The following BCL11A variants were observed in gnomAD, a reference collection of about 807,000 sequenced individuals.
BCL11A encodes B cell CLL/lymphoma 11A.
BCL11A carries 2 observed loss-of-function variants against 55.9 expected under a neutral mutation model. The ratio of observed to expected loss-of-function variants is 0.04; its 90% CI spans 0.01 to 0.11. The LOEUF (loss-of-function observed/expected upper bound fraction) is 0.11, where lower values mean the gene tolerates loss of function less well. Ranked by LOEUF, BCL11A falls within the 10% of genes least tolerant of loss-of-function variation. The pLI, the probability that BCL11A is intolerant of heterozygous loss-of-function variation, is 1.00. For missense variants in BCL11A, 817 were observed against 1,137.1 expected, an observed-to-expected ratio of 0.72 and a Z score of 4.05; for synonymous variants, 465 against 473.4, an observed-to-expected ratio of 0.98 and a Z score of 0.23.
At position 60,461,673 on chromosome 2, in the gene BCL11A, C is replaced by T. The variant is rs1311687214; in HGVS notation, c.1239G>A (p.Ala413=). The change falls in exon 4 of 4, where the codon GCG becomes GCA. Residue 413 remains alanine (A), a synonymous_variant. Transcript: ENST00000642384. Reference sequence around the variant, plus strand: ...GCTTCAGCTTGCTGGCCTGGGTGCACGCGTGGTCGCACAGGTTGCACTTGT... The same window carrying T: ...GCTTCAGCTTGCTGGCCTGGGTGCATGCGTGGTCGCACAGGTTGCACTTGT... ...KPYKCNLCDH[A]CTQASKLKRH... is the part of the protein sequence containing the mutation. 14 of 1,613,838 alleles carry T rather than the reference C, an allele frequency of 8.7e-6. No homozygotes were observed. The highest frequency in any genetic ancestry group is 2.2e-5 in the East Asian group (1 of 44,888).
In BCL11A at chr2:60,546,444, A is replaced by T; in HGVS notation, c.56-144T>A. The T allele has an allele frequency of 1.4e-6, 1 of 716,660 alleles. No individual in the cohort carries two copies. Among genetic ancestry groups the T allele is most frequent in the South Asian group, 1.9e-5 (1 of 51,500 alleles). 44.4% of individuals were successfully genotyped at this position (716,660 alleles called of 1,614,324 possible). A position where few individuals can be genotyped will look rare whatever the true frequency, so the allele number is the denominator to read the frequency against. On this transcript the variant is annotated intron_variant, in intron 1 of 3. Coordinates refer to ENST00000642384, the MANE Select transcript of BCL11A (RefSeq NM_022893.4). This position sits in a 1 kb window ranked among gnomAD's most constrained non-coding sequence, Gnocchi z 4.1. The stretch of plus-strand genomic sequence containing the variant: ...TATATAATACCCAGAAAATGTGAGC[A>T]TACAAAAAGTACAAGGATGTGAAGG...
At chr2:60,507,392 AG>A (rs1334862276) in intron 2 of BCL11A, among the ~76,000 whole-genome samples, 2 of 135,426 alleles carry the variant, frequency 1.5e-5, no homozygotes, top group Non-Finnish European at 3.1e-5. Flanking sequence ...GGAGGGAAGG[AG>A]GGCCCTTGCC....
At chr2:60,515,925 C>CA (rs1210810498) in intron 2 of BCL11A, among the ~76,000 whole-genome samples, 1 of 152,194 alleles carries the variant, frequency 6.6e-6, no homozygotes, top group East Asian at 1.9e-4. Flanking sequence ...GAGAAAGATC[C>CA]AATAAGGGAA....
chr2:60,457,221 A>G lies in BCL11A; in HGVS notation c.*3183T>C, dbSNP rs1572943661. The G allele has an allele frequency of 9.9e-7, 1 of 1,009,072 alleles. No individual in the cohort carries two copies. Among genetic ancestry groups the G allele is most frequent in the Non-Finnish European group, 1.2e-6 (1 of 842,920 alleles). 62.5% of individuals were successfully genotyped at this position (1,009,072 alleles called of 1,614,324 possible). Reference sequence around the variant, plus strand: ...TACTTTAATTTTTTTTATTTTTTCAATAAAGGGACAAAATGGGTGTATGAA... The same window carrying G: ...TACTTTAATTTTTTTTATTTTTTCAGTAAAGGGACAAAATGGGTGTATGAA... On this transcript the variant is annotated 3_prime_UTR_variant, in exon 4 of 4. Transcript: ENST00000642384.
downstream of BCL11A, chr2:60,452,634 G>A: frequency 6.2e-7 from 1 of 1,613,976 alleles, no homozygotes; most frequent in Non-Finnish European, 8.5e-7. Flanking sequence ...TGAGCTCTCT[G>A]GGTACTACGC....
chr2:60,469,106 T>C (rs752410295), intron 2 of BCL11A, among the ~76,000 whole-genome samples: 1 of 152,218 alleles, frequency 6.6e-6, no homozygotes, highest in African/African-American at 2.4e-5. Context: ...TGCTTATTTA[T>C]TTGTTGTTGT....
intron 2 of BCL11A, among the ~76,000 whole-genome samples, chr2:60,483,163 C>T (rs746990292): frequency 6.6e-6 from 1 of 152,132 alleles, no homozygotes; most frequent in Admixed American, 6.5e-5. Context: ...TCAACACAGG[C>T]GAGAGAAGTG....
chr2:60,491,385 G>A (rs915981766), intron 2 of BCL11A, among the ~76,000 whole-genome samples: 1 of 152,138 alleles, frequency 6.6e-6, no homozygotes, highest in Non-Finnish European at 1.5e-5. Context: ...CATTTGAAAT[G>A]CTCCCGGCCA....
intron 2 of BCL11A, chr2:60,522,734 C>T (rs1451228913): frequency 6.6e-6 from 1 of 152,272 alleles, no homozygotes; most frequent in East Asian, 1.9e-4. Context: ...CAGGTGCACT[C>T]CCAGTGTTCA....
chr2:60,458,500 A>C lies in BCL11A; in HGVS notation c.*1904T>G. On this transcript the variant is annotated 3_prime_UTR_variant, in exon 4 of 4. Transcript: ENST00000642384. ...TCCTTGCACTGTAGAAGCGAAAGCA[A>C]TCATTCATTTCTATGTTAAGTGTAT... 1 of 1,033,294 alleles carries C rather than the reference A, an allele frequency of 9.7e-7. No individual in the cohort carries two copies. The highest frequency in any genetic ancestry group is 1.2e-6 in the Non-Finnish European group (1 of 858,284). The allele number at this position is 1,033,294 out of a possible 1,614,324, so 64.0% of individuals were successfully genotyped here.
chr2:60,469,813 C>G (rs1490112966), intron 2 of BCL11A, among the ~76,000 whole-genome samples: 1 of 152,158 alleles, frequency 6.6e-6, no homozygotes, highest in Non-Finnish European at 1.5e-5. Flanking sequence ...ATGTAGCTGT[C>G]CATCTTGAGA....
At chr2:60,488,324 T>C (rs1292938652) in intron 2 of BCL11A, among the ~76,000 whole-genome samples, 3 of 152,186 alleles carry the variant, frequency 2.0e-5, no homozygotes, top group Non-Finnish European at 2.9e-5. Flanking sequence ...GGAATTGCCA[T>C]TGTGTCCTCC....
At position 60,515,451 on chromosome 2, in the gene BCL11A, G is replaced by C. The variant is rs79181257; in HGVS notation, c.385+30520C>G. ...AAACATGACTCCTGCCCTCCAAAAG[G>C]TTATAATTTGAGGAGGAGAAAATAC... On this transcript the variant is annotated intron_variant, in intron 2 of 3. Coordinates refer to ENST00000642384, the MANE Select transcript of BCL11A (RefSeq NM_022893.4). Among the ~76,000 whole-genome samples, 459 of 152,264 alleles carry C rather than the reference G, an allele frequency of 3.0e-3. 2 individuals are homozygous for C. The Middle Eastern group carries it at 0.038, about 12-fold the overall frequency.
chr2:60,497,281 G>T (rs973637043), intron 2 of BCL11A, among the ~76,000 whole-genome samples: 1 of 152,236 alleles, frequency 6.6e-6, no homozygotes, highest in Non-Finnish European at 1.5e-5. Context: ...CTTTTGTAAA[G>T]AGGGGGGAAA....
At chr2:60,518,934 G>A (rs1464075256) in intron 2 of BCL11A, among the ~76,000 whole-genome samples, 1 of 152,106 alleles carries the variant, frequency 6.6e-6, no homozygotes. Context: ...ATTCAAGGTG[G>A]GTCCTGAAGC....
chr2:60,502,059 A>G (rs1679321167), intron 2 of BCL11A, among the ~76,000 whole-genome samples: 1 of 152,226 alleles, frequency 6.6e-6, no homozygotes, highest in Non-Finnish European at 1.5e-5. Context: ...CAGACCAAAA[A>G]TATGCCTCAC....
intron 3 of BCL11A, among the ~76,000 whole-genome samples, chr2:60,463,666 G>A (rs1211103444): frequency 1.3e-5 from 2 of 151,862 alleles, no homozygotes; most frequent in Non-Finnish European, 2.9e-5. Flanking sequence ...ATATATATGG[G>A]GAGATAGCTA....
intron 2 of BCL11A, among the ~76,000 whole-genome samples, chr2:60,473,427 C>G (rs1291251922): frequency 1.3e-5 from 2 of 152,070 alleles, no homozygotes; most frequent in Non-Finnish European, 2.9e-5. Flanking sequence ...ACCTACAGTC[C>G]TTTCGCAGTC....
intron 2 of BCL11A, chr2:60,541,642 T>C (rs1486956649): frequency 2.9e-6 from 1 of 347,150 alleles, no homozygotes; most frequent in Non-Finnish European, 5.2e-6. Flanking sequence ...AAACATAGGC[T>C]CCCTATGAAA....
Sources: allele counts gnomAD v4.1 joint callset (sites outside exome capture counted in the v4.1 genomes callset), GRCh38; gene constraint gnomAD v4.1.1; non-coding constraint Gnocchi (gnomAD v3.1); transcripts MANE v1.5; gene names NCBI Gene and HGNC (gene_info 2026-07-23, HGNC 2026-07-21).